The following MAST4 variants were observed in gnomAD, a reference collection of about 807,000 sequenced individuals.
MAST4 encodes microtubule associated serine/threonine kinase family member 4.
In MAST4, 89 loss-of-function variants were observed where a neutral mutation model predicts 162.7. The observed-to-expected ratio is 0.55, with a 90% CI of 0.46 to 0.65. The LOEUF is 0.65. Ranked by LOEUF, MAST4 falls within the 30% of genes least tolerant of loss-of-function variation. MAST4 has a pLI of 0.00. For synonymous variants in MAST4, 1,479 were observed against 1,361.1 expected (o/e 1.09, Z -1.91); for missense variants, 3,153 against 3,374.0 (o/e 0.93, Z 1.62).
intron 3 of MAST4, among the ~76,000 whole-genome samples, chr5:66,842,609 A>AT (rs1290457180): frequency 6.6e-6 from 1 of 152,082 alleles, no homozygotes; most frequent in Non-Finnish European, 1.5e-5. Context: ...TTGCTTTGAA[A>AT]TTATTTTGAT....
chr5:67,123,900 C>T (rs1767874249), intron 14 of MAST4, among the ~76,000 whole-genome samples: 1 of 151,960 alleles, frequency 6.6e-6, no homozygotes, highest in Admixed American at 6.5e-5. Context: ...TACGCCCTGT[C>T]TCCCACATGC....
chr5:66,672,414 T>C lies in MAST4; in HGVS notation c.363+75396T>C, dbSNP rs568230049. Among the ~76,000 whole-genome samples, 7 of 152,366 alleles carry C rather than the reference T, an allele frequency of 4.6e-5. No homozygotes were observed. In the South Asian group the frequency reaches 6.2e-4, roughly 14 times the overall value. On this transcript the variant is annotated intron_variant, in intron 1 of 28. Coordinates refer to ENST00000403625, the MANE Select transcript of MAST4 (RefSeq NM_001164664.2). ...GCAGTCATTTTAATGTACATCTTTT[T>C]ATTTGAATGAGTTATTGCACAACCA...
intron 1 of MAST4, among the ~76,000 whole-genome samples, chr5:66,618,415 G>A (rs1322928177): frequency 6.6e-6 from 1 of 152,196 alleles, no homozygotes; most frequent in Non-Finnish European, 1.5e-5. Flanking sequence ...TTCTCCCTCA[G>A]TGTAACAAAG....
At chr5:66,621,749 T>A (rs1284078866) in intron 1 of MAST4, among the ~76,000 whole-genome samples, 2 of 152,136 alleles carry the variant, frequency 1.3e-5, no homozygotes, top group Non-Finnish European at 2.9e-5. Context: ...GGGAATACAG[T>A]AATGAACAAA....
intron 4 of MAST4, among the ~76,000 whole-genome samples, chr5:67,014,984 A>G (rs1191806034): frequency 1.3e-5 from 2 of 152,194 alleles, no homozygotes; most frequent in Non-Finnish European, 2.9e-5. Context: ...CTGGTTAGCT[A>G]TTAATATGAT....
chr5:66,894,360 C>T (rs1299252654), intron 3 of MAST4, among the ~76,000 whole-genome samples: 6 of 152,186 alleles, frequency 3.9e-5, no homozygotes, highest in Non-Finnish European at 7.3e-5. Flanking sequence ...GCTGAATTAT[C>T]TCATTCCTTT....
At chr5:66,787,122 T>A (rs1755155446) in intron 2 of MAST4, among the ~76,000 whole-genome samples, 1 of 152,252 alleles carries the variant, frequency 6.6e-6, no homozygotes, top group Non-Finnish European at 1.5e-5. Flanking sequence ...GAAGATACTT[T>A]TCATTTTTAC....
chr5:67,118,601 A>AT, intron 12 of MAST4, 81 bp from the exon 13 acceptor site: 3 of 851,022 alleles, frequency 3.5e-6, no homozygotes, highest in Non-Finnish European at 5.6e-6. Context: ...GGGAGAAACT[A>AT]TTTTTCTTTT....
At chr5:66,607,076 A>G (rs1299648300) in intron 1 of MAST4, among the ~76,000 whole-genome samples, 1 of 152,100 alleles carries the variant, frequency 6.6e-6, no homozygotes, top group East Asian at 1.9e-4. Flanking sequence ...GACCCATTCA[A>G]CCTCATACAA....
intron 4 of MAST4, among the ~76,000 whole-genome samples, chr5:67,051,337 G>A (rs555069234): frequency 4.7e-4 from 71 of 152,220 alleles, no homozygotes; most frequent in African/African-American, 1.5e-3. Flanking sequence ...ACTGCCTGAC[G>A]TGCAGGTGCC....
chr5:67,113,283 C>T (rs899463966), intron 11 of MAST4, among the ~76,000 whole-genome samples: 1 of 128,742 alleles, frequency 7.8e-6, no homozygotes, highest in African/African-American at 2.8e-5. Flanking sequence ...CACTGCACTC[C>T]AGCCTGGGCG....
intron 2 of MAST4, among the ~76,000 whole-genome samples, chr5:66,775,218 G>A (rs1342006910): frequency 6.6e-6 from 1 of 152,104 alleles, no homozygotes; most frequent in Non-Finnish European, 1.5e-5. Context: ...TTAATGAAAT[G>A]GCTAGAAGAA....
chr5:66,623,044 C>T (rs1197199530), intron 1 of MAST4: 4 of 152,150 alleles, frequency 2.6e-5, no homozygotes, highest in East Asian at 1.9e-4. Flanking sequence ...TCCTGAATTC[C>T]TATGGGACAG....
intron 1 of MAST4, among the ~76,000 whole-genome samples, chr5:66,663,918 C>G (rs1281176240): frequency 6.6e-6 from 1 of 151,902 alleles, no homozygotes; most frequent in Non-Finnish European, 1.5e-5. Flanking sequence ...GCAGTGATAC[C>G]CAGGAGTGGG....
chr5:67,121,677 GA>G lies in MAST4; in HGVS notation c.1745+588del, dbSNP rs111824214. On this transcript the variant is annotated intron_variant, in intron 14 of 28. Coordinates refer to ENST00000403625, the MANE Select transcript of MAST4 (RefSeq NM_001164664.2). Reference sequence around the variant, plus strand: ...TAACACGAACAACAGCTGATGACCTGAAAAAAAAAAAAATCACAAAAAACTC... The same window carrying G: ...TAACACGAACAACAGCTGATGACCTGAAAAAAAAAAAATCACAAAAAACTC... 4.2e-3 allele frequency among the ~76,000 whole-genome samples: 574 copies of G among 137,672 alleles called. 9 individuals carry two copies. In the East Asian group the frequency reaches 0.061, roughly 15 times the overall value. 90.3% of individuals were successfully genotyped at this position (137,672 alleles called of 152,430 possible). A position where few individuals can be genotyped will look rare whatever the true frequency, so the allele number is the denominator to read the frequency against.
Position 67,162,665 on chromosome 5 carries a change from C to CG in MAST4, c.3845dup (p.Ser1283LysfsTer13). 1 of 1,613,878 alleles carries CG rather than the reference C, an allele frequency of 6.2e-7. No individual in the cohort carries two copies. The highest frequency in any genetic ancestry group is 8.5e-7 in the Non-Finnish European group (1 of 1,179,870). Reference sequence around the variant, plus strand: ...GCCTTCTCCTTTACTCCACACCAGCCGAAGTTTCTCCTGCTTGAACAGATC... The same window carrying CG: ...GCCTTCTCCTTTACTCCACACCAGCCGGAAGTTTCTCCTGCTTGAACAGATC... On this transcript the variant is annotated frameshift_variant, in exon 28 of 29. Coordinates refer to ENST00000403625, the MANE Select transcript of MAST4 (RefSeq NM_001164664.2). LOFTEE classifies it high-confidence loss of function.
intron 1 of MAST4, among the ~76,000 whole-genome samples, chr5:66,653,706 G>A (rs550839748): frequency 3.9e-5 from 6 of 152,220 alleles, no homozygotes; most frequent in Non-Finnish European, 7.4e-5. Context: ...CTCTTCTCCA[G>A]CCCTAATTTA....
intron 4 of MAST4, among the ~76,000 whole-genome samples, chr5:66,920,261 T>C (rs1764444189): frequency 6.6e-6 from 1 of 152,096 alleles, no homozygotes; most frequent in Admixed American, 6.6e-5. Flanking sequence ...TCAACTCAAA[T>C]TGTGTTTCCC....
intron 5 of MAST4, among the ~76,000 whole-genome samples, chr5:67,080,225 A>G (rs1014076014): frequency 6.6e-6 from 1 of 152,218 alleles, no homozygotes; most frequent in Admixed American, 6.5e-5. Context: ...TCCAGCATAT[A>G]TTAACTCTGC....
Sources: allele counts gnomAD v4.1 joint callset (sites outside exome capture counted in the v4.1 genomes callset), GRCh38; gene constraint gnomAD v4.1.1; transcripts MANE v1.5; gene names NCBI Gene and HGNC (gene_info 2026-07-23, HGNC 2026-07-21).